Variants in ITGB6 observed in about 807,000 individuals in gnomAD.
ITGB6 encodes integrin subunit beta 6, also known as integrin beta-6.
ITGB6 carries 80 observed loss-of-function variants against 84.5 expected under a neutral mutation model. The observed-to-expected ratio is 0.95, with a 90% CI of 0.79 to 1.14. ITGB6 has a LOEUF of 1.14. Among genes scored for constraint, ITGB6 ranks in the 50% most tolerant of loss-of-function variants. The pLI is 0.00. For missense variants in ITGB6, 1,006 were observed against 968.0 expected (o/e 1.04, Z -0.52); for synonymous variants, 383 against 354.9 (o/e 1.08, Z -0.89).
At chr2:160,141,034 C>A (rs1683980574) in intron 8 of ITGB6, among the ~76,000 whole-genome samples, 1 of 152,036 alleles carries the variant, frequency 6.6e-6, no homozygotes, top group Non-Finnish European at 1.5e-5. Context: ...AATGCTGGTT[C>A]AGTACATGCT....
chr2:160,172,815 A>G, intron 5 of ITGB6, 85 bp from the exon 6 acceptor site: 1 of 1,040,490 alleles, frequency 9.6e-7, no homozygotes, highest in Non-Finnish European at 1.4e-6. Context: ...GGACACATTT[A>G]GGTTATAAAA....
intron 10 of ITGB6, among the ~76,000 whole-genome samples, chr2:160,134,582 G>C (rs2105813254): frequency 6.6e-6 from 1 of 152,222 alleles, no homozygotes; most frequent in Admixed American, 6.5e-5. Context: ...TGATACCAAA[G>C]CCTGGCAGAG....
chr2:160,156,922 A>C (rs1258608838), intron 7 of ITGB6, among the ~76,000 whole-genome samples: 1 of 152,148 alleles, frequency 6.6e-6, no homozygotes, highest in Non-Finnish European at 1.5e-5. Context: ...AGTAAGCCTG[A>C]CTGGGTATGT....
At chr2:160,157,682 G>A (rs1474525515) in intron 7 of ITGB6, among the ~76,000 whole-genome samples, 1 of 137,862 alleles carries the variant, frequency 7.3e-6, no homozygotes, top group African/African-American at 2.7e-5. Context: ...CGTTGTGGCT[G>A]TAATGACTTT....
intron 7 of ITGB6, among the ~76,000 whole-genome samples, chr2:160,153,654 C>T (rs550252806): frequency 6.6e-5 from 10 of 152,136 alleles, no homozygotes; most frequent in Admixed American, 2.6e-4. Context: ...AACAGGCAAC[C>T]TACAGAATGG....
At chr2:160,175,366 G>A (rs1685378646) in intron 4 of ITGB6, among the ~76,000 whole-genome samples, 1 of 152,082 alleles carries the variant, frequency 6.6e-6, no homozygotes, top group Non-Finnish European at 1.5e-5. Context: ...TGAGTCATTC[G>A]TGGACATGTG....
chr2:160,112,012 T>C (rs1443422597), intron 13 of ITGB6, 68 bp downstream of exon 13: 10 of 1,518,952 alleles, frequency 6.6e-6, no homozygotes, highest in Non-Finnish European at 8.0e-6. Flanking sequence ...CCAGAGCGAT[T>C]TTCTGGTTGC....
intron 10 of ITGB6, among the ~76,000 whole-genome samples, chr2:160,133,751 T>C (rs1387561830): frequency 6.6e-6 from 1 of 152,024 alleles, no homozygotes; most frequent in African/African-American, 2.4e-5. Context: ...ATTACGAAAC[T>C]CACTCGAAAC....
Position 160,136,838 on chromosome 2 carries a change from T to G in ITGB6, c.1660+596A>C, listed in dbSNP as rs562967993. On this transcript the variant is annotated intron_variant, in intron 10 of 14. Coordinates refer to ENST00000283249, the MANE Select transcript of ITGB6 (RefSeq NM_000888.5). ...ACACCACATGTTCTCACTCATAGGTTGGAATTGAACAATGAGAACACATGG... is the reference window on the plus strand; with the variant it reads ...ACACCACATGTTCTCACTCATAGGTGGGAATTGAACAATGAGAACACATGG... Among the ~76,000 whole-genome samples the G allele has an allele frequency of 2.6e-3, 382 of 147,954 alleles. 2 individuals are homozygous for G. Among genetic ancestry groups the G allele is most frequent in the African/African-American group, 8.5e-3 (341 of 39,894 alleles).
intron 12 of ITGB6, among the ~76,000 whole-genome samples, chr2:160,115,876 A>C (rs1377840674): frequency 6.6e-6 from 1 of 152,168 alleles, no homozygotes; most frequent in Non-Finnish European, 1.5e-5. Flanking sequence ...CAGAAGCCTC[A>C]GGAACTGATG....
At chr2:160,115,452 C>T (rs893755698) in intron 12 of ITGB6, among the ~76,000 whole-genome samples, 1 of 152,218 alleles carries the variant, frequency 6.6e-6, no homozygotes, top group Admixed American at 6.5e-5. Context: ...GCTGAGGGTC[C>T]TGTCTGTTAG....
chr2:160,131,221 G>A (rs1471242091), intron 10 of ITGB6, among the ~76,000 whole-genome samples: 1 of 152,150 alleles, frequency 6.6e-6, no homozygotes, highest in African/African-American at 2.4e-5. Context: ...CATAATGGCA[G>A]GAAGTGTTTC....
In ITGB6 at chr2:160,103,893, G is replaced by A. The variant is rs73008730; in HGVS notation, c.2269-2059C>T. On this transcript the variant is annotated intron_variant, in intron 14 of 14. Transcript: ENST00000283249. Reference sequence around the variant, plus strand: ...TAGGACCAGATACTTGTTTGTAGGTGCACCCTATATCATGTCAAACATACT... The same window carrying A: ...TAGGACCAGATACTTGTTTGTAGGTACACCCTATATCATGTCAAACATACT... Among the ~76,000 whole-genome samples the A allele has an allele frequency of 8.7e-3, 1,322 of 152,230 alleles. 19 individuals are homozygous for A. The highest frequency in any genetic ancestry group is 0.03 in the African/African-American group (1,253 of 41,512).
intron 4 of ITGB6, among the ~76,000 whole-genome samples, chr2:160,189,559 T>C (rs1312694660): frequency 6.6e-6 from 1 of 152,168 alleles, no homozygotes; most frequent in African/African-American, 2.4e-5. Flanking sequence ...GAACAGACAC[T>C]TGTCAAAAGA....
chr2:160,167,026 G>T (rs1207861037), intron 7 of ITGB6, among the ~76,000 whole-genome samples: 1 of 152,240 alleles, frequency 6.6e-6, no homozygotes, highest in Non-Finnish European at 1.5e-5. Flanking sequence ...AAGTAACTAT[G>T]CTTAACGTGT....
At chr2:160,121,859 G>A (rs1683055249) in intron 12 of ITGB6, among the ~76,000 whole-genome samples, 1 of 150,682 alleles carries the variant, frequency 6.6e-6, no homozygotes, top group African/African-American at 2.4e-5. Flanking sequence ...GCATAACTGA[G>A]GAACAATTCA....
At chr2:160,137,130 A>G (rs1006214549) in intron 10 of ITGB6, among the ~76,000 whole-genome samples, 1 of 151,918 alleles carries the variant, frequency 6.6e-6, no homozygotes, top group African/African-American at 2.4e-5. Context: ...AAGGTAATGG[A>G]GTTCATATAA....
intron 11 of ITGB6, among the ~76,000 whole-genome samples, chr2:160,125,441 T>C (rs183695427): frequency 6.6e-6 from 1 of 152,304 alleles, no homozygotes; most frequent in Admixed American, 6.5e-5. Flanking sequence ...AGAAACACCT[T>C]GAAGGGACAT....
intron 4 of ITGB6, among the ~76,000 whole-genome samples, chr2:160,193,659 A>C (rs1445579536): frequency 1.3e-5 from 2 of 152,204 alleles, no homozygotes; most frequent in African/African-American, 4.8e-5. Context: ...CAGTGCCCTT[A>C]TTGCCCCTAT....
Sources: allele counts gnomAD v4.1 joint callset (sites outside exome capture counted in the v4.1 genomes callset), GRCh38; gene constraint gnomAD v4.1.1; transcripts MANE v1.5; gene names NCBI Gene and HGNC (gene_info 2026-07-23, HGNC 2026-07-21).